The following EPB41L4A variants were observed in gnomAD, a reference collection of about 807,000 sequenced individuals.
EPB41L4A encodes the protein erythrocyte membrane protein band 4.1 like 4A.
EPB41L4A carries 100 observed loss-of-function variants against 108.6 expected under a neutral mutation model. The ratio of observed to expected loss-of-function variants is 0.92; its 90% CI spans 0.78 to 1.09. The LOEUF (loss-of-function observed/expected upper bound fraction) is 1.09, where lower values mean the gene tolerates loss of function less well. EPB41L4A is among the 50% of genes least tolerant of loss of function. The probability of loss-of-function intolerance (pLI) is 0.00; values close to 1 mark genes in which losing one functional copy is unlikely to be tolerated. For synonymous variants in EPB41L4A, 319 were observed against 289.0 expected (o/e 1.10, Z -1.05); for missense variants, 1,030 against 842.7 (o/e 1.22, Z -2.75).
At chr5:112,313,599 A>G (rs1755187353) in intron 1 of EPB41L4A, among the ~76,000 whole-genome samples, 1 of 152,162 alleles carries the variant, frequency 6.6e-6, no homozygotes, top group Non-Finnish European at 1.5e-5. Context: ...TCAAAAAACA[A>G]AAAAATCCTT....
intron 1 of EPB41L4A, among the ~76,000 whole-genome samples, chr5:112,375,052 G>C (rs1276359700): frequency 6.6e-6 from 1 of 152,164 alleles, no homozygotes; most frequent in Non-Finnish European, 1.5e-5. Context: ...CTCCACCCCA[G>C]ATCAGCAGGA....
chr5:112,402,931 A>T (rs933484305), intron 1 of EPB41L4A, among the ~76,000 whole-genome samples: 24 of 152,088 alleles, frequency 1.6e-4, no homozygotes, highest in Non-Finnish European at 2.9e-5. Context: ...TCGTATGTTT[A>T]CTCTTAAACA....
chr5:112,419,912 A>G (rs1163177272), upstream of EPB41L4A: 1 of 456,530 alleles, frequency 2.2e-6, no homozygotes, highest in Admixed American at 2.3e-5. Flanking sequence ...CAGGACATTC[A>G]GCAAAGCGGG....
At chr5:112,333,525 T>C (rs527342592) in intron 1 of EPB41L4A, among the ~76,000 whole-genome samples, 1 of 152,288 alleles carries the variant, frequency 6.6e-6, no homozygotes, top group East Asian at 1.9e-4. Flanking sequence ...CAGGATGCTG[T>C]GTTTGCAGCC....
chr5:112,196,413 C>A (rs942614772), intron 15 of EPB41L4A, among the ~76,000 whole-genome samples: 1 of 152,214 alleles, frequency 6.6e-6, no homozygotes, highest in Non-Finnish European at 1.5e-5. Context: ...AAAATGCATA[C>A]ACTAGGACCT....
At chr5:112,289,407 A>G (rs1320665742) in intron 2 of EPB41L4A, among the ~76,000 whole-genome samples, 1 of 152,080 alleles carries the variant, frequency 6.6e-6, no homozygotes, top group Non-Finnish European at 1.5e-5. Flanking sequence ...GTAATCCAGG[A>G]AAAACTTTGA....
chr5:112,345,276 A>G (rs561693940), intron 1 of EPB41L4A, among the ~76,000 whole-genome samples: 18 of 152,356 alleles, frequency 1.2e-4, no homozygotes, highest in African/African-American at 4.3e-4. Context: ...AGTTTTATGC[A>G]ATTACATTTG....
At chr5:112,384,830 G>A (rs1011206567) in intron 1 of EPB41L4A, among the ~76,000 whole-genome samples, 3 of 152,046 alleles carry the variant, frequency 2.0e-5, no homozygotes, top group African/African-American at 7.2e-5. Context: ...AGAAATAATG[G>A]AATCACAATG....
chr5:112,164,311 T>C lies in EPB41L4A; in HGVS notation c.*679A>G, dbSNP rs919065271. ...CAGTCCTTTTGCATCTGGGCACTAG[T>C]TGAGAACCAGCCCAGCCCTGGGAAG... On this transcript the variant is annotated 3_prime_UTR_variant, in exon 23 of 23. Coordinates refer to ENST00000261486, the MANE Select transcript of EPB41L4A (RefSeq NM_022140.5). 3.9e-5 allele frequency: 6 copies of C among 152,258 alleles called. No individual in the cohort carries two copies. The highest frequency in any genetic ancestry group is 7.3e-5 in the Non-Finnish European group (5 of 68,064). 9.4% of individuals were successfully genotyped at this position (152,258 alleles called of 1,614,324 possible). A position where few individuals can be genotyped will look rare whatever the true frequency, so the allele number is the denominator to read the frequency against.
At chr5:112,240,879 G>C (rs1749737292) in intron 9 of EPB41L4A, 69 bp from the exon 10 acceptor site, 1 of 913,398 alleles carries the variant, frequency 1.1e-6, no homozygotes, top group Middle Eastern at 2.2e-4. Flanking sequence ...TCAAATAACA[G>C]CCCCCTTTAA....
At chr5:112,213,656 C>T (rs1747408370) in intron 12 of EPB41L4A, among the ~76,000 whole-genome samples, 1 of 152,160 alleles carries the variant, frequency 6.6e-6, no homozygotes, top group South Asian at 2.1e-4. Flanking sequence ...ACCCAGCCAA[C>T]ATGTACAGTC....
chr5:112,320,346 C>T (rs965694424), intron 1 of EPB41L4A, among the ~76,000 whole-genome samples: 1 of 152,182 alleles, frequency 6.6e-6, no homozygotes, highest in Non-Finnish European at 1.5e-5. Context: ...GATTCTGCTG[C>T]AAGTATGGGT....
At chr5:112,209,811 AG>A (rs1480414956) in intron 13 of EPB41L4A, 80 bp downstream of exon 13, 1 of 798,544 alleles carries the variant, frequency 1.3e-6, no homozygotes, top group African/African-American at 1.8e-5. Context: ...CAAAGTTAAA[AG>A]ATTTTTAACC....
At chr5:112,214,910 T>C (rs1002918740) in intron 12 of EPB41L4A, among the ~76,000 whole-genome samples, 2 of 152,216 alleles carry the variant, frequency 1.3e-5, no homozygotes, top group African/African-American at 4.8e-5. Flanking sequence ...GATTATTCTG[T>C]GTTTCATTTC....
chr5:112,293,771 G>A (rs773801328), intron 2 of EPB41L4A, among the ~76,000 whole-genome samples: 3 of 152,260 alleles, frequency 2.0e-5, no homozygotes, highest in Non-Finnish European at 2.9e-5. Flanking sequence ...AGCACTTCCC[G>A]GGGTTATTTC....
chr5:112,357,987 T>A (rs454794), intron 1 of EPB41L4A, among the ~76,000 whole-genome samples: 4 of 152,232 alleles, frequency 2.6e-5, no homozygotes, highest in Admixed American at 6.5e-5. Context: ...TCCTCAATAG[T>A]CCAAGAACAA....
At chr5:112,234,131 C>T (rs1051193563) in intron 12 of EPB41L4A, among the ~76,000 whole-genome samples, 5 of 149,440 alleles carry the variant, frequency 3.3e-5, no homozygotes, top group African/African-American at 7.4e-5. Context: ...CCAGCCTGGG[C>T]AACATAGTGA....
At position 112,277,183 on chromosome 5, in the gene EPB41L4A, T is replaced by G. The variant is rs762868794; in HGVS notation, c.257-1779A>C. Among the ~76,000 whole-genome samples the G allele has an allele frequency of 2.0e-5, 3 of 152,032 alleles. No homozygotes were observed. In the South Asian group the frequency reaches 6.3e-4, roughly 32 times the overall value. Reference sequence around the variant, plus strand: ...TGCCTGTGCCCGCAGGCAGCTGGGGTTGGTACCTAGGGGGCGGGGAGGAGC... The same window carrying G: ...TGCCTGTGCCCGCAGGCAGCTGGGGGTGGTACCTAGGGGGCGGGGAGGAGC... On this transcript the variant is annotated intron_variant, in intron 3 of 22. Coordinates refer to ENST00000261486, the MANE Select transcript of EPB41L4A (RefSeq NM_022140.5).
chr5:112,227,378 C>G (rs1561491171), intron 12 of EPB41L4A, among the ~76,000 whole-genome samples: 1 of 152,152 alleles, frequency 6.6e-6, no homozygotes, highest in African/African-American at 2.4e-5. Context: ...GTGGTCCACA[C>G]TGTGAATAGA....
Sources: gnomAD v4.1 joint callset for allele counts (sites outside exome capture counted in the v4.1 genomes callset) on GRCh38, gnomAD v4.1.1 for gene constraint, MANE v1.5 for transcripts, NCBI Gene and HGNC (gene_info 2026-07-23, HGNC 2026-07-21) for gene names.